ZBTB20: variants seen among roughly 807,000 people sequenced by gnomAD.
ZBTB20 encodes the protein zinc finger and BTB domain-containing protein 20.
In ZBTB20, 9 loss-of-function variants were observed where a neutral mutation model predicts 56.9. The observed-to-expected ratio is 0.16, with a 90% CI of 0.10 to 0.28. ZBTB20 has a LOEUF of 0.28. ZBTB20 is among the 10% of genes least tolerant of loss of function. The probability of loss-of-function intolerance (pLI) is 1.00; values close to 1 mark genes in which losing one functional copy is unlikely to be tolerated. For missense variants in ZBTB20, 655 were observed against 1,003.0 expected (o/e 0.65, Z 4.69); for synonymous variants, 417 against 420.7 (o/e 0.99, Z 0.11).
At chr3:114,758,777 A>T (rs2068209939) in intron 5 of ZBTB20, 1 of 152,176 alleles carries the variant, frequency 6.6e-6, no homozygotes, top group Non-Finnish European at 1.5e-5. Flanking sequence ...AAATACGCTG[A>T]GCTCCAATAA....
intron 4 of ZBTB20, among the ~76,000 whole-genome samples, chr3:114,811,219 T>C (rs1267761465): frequency 6.6e-6 from 1 of 152,222 alleles, no homozygotes; most frequent in Non-Finnish European, 1.5e-5. Context: ...GCCAGCTTAT[T>C]TTCTCACAGA....
chr3:114,862,578 A>G (rs2075582441), intron 4 of ZBTB20, among the ~76,000 whole-genome samples: 1 of 152,152 alleles, frequency 6.6e-6, no homozygotes, highest in Admixed American at 6.5e-5. Context: ...CAGTTCTAAG[A>G]GATCTAGTTC....
rs562193420 is a variant in ZBTB20, at chr3:114,517,907, A to C, written c.-294-17516T>G. Among the ~76,000 whole-genome samples, 129 of 152,178 alleles carry C rather than the reference A, an allele frequency of 8.5e-4. 1 individual carries two copies. The highest frequency in any genetic ancestry group is 2.8e-3 in the African/African-American group (115 of 41,522). ...TGTATTTTTTAAGCGCTTACTGTAT[A>C]CCAGGCCCTATGCTGAAGATAGTAG... is the stretch of plus-strand genomic sequence containing the variant. On this transcript the variant is annotated intron_variant, in intron 6 of 11. Transcript: ENST00000675478.
At chr3:115,052,093 C>T (rs2081572337) in intron 2 of ZBTB20, among the ~76,000 whole-genome samples, 1 of 151,928 alleles carries the variant, frequency 6.6e-6, no homozygotes, top group South Asian at 2.1e-4. Flanking sequence ...GGACACAGAG[C>T]CCAACCATAT....
At chr3:114,697,807 G>C (rs1403207044) in intron 5 of ZBTB20, among the ~76,000 whole-genome samples, 1 of 150,928 alleles carries the variant, frequency 6.6e-6, no homozygotes, top group Non-Finnish European at 1.5e-5. Flanking sequence ...ATGAAGGAGA[G>C]GAAGAAAGAG....
chr3:114,702,334 C>T (rs1035729827), intron 5 of ZBTB20, among the ~76,000 whole-genome samples: 3 of 152,148 alleles, frequency 2.0e-5, no homozygotes, highest in Non-Finnish European at 2.9e-5. Flanking sequence ...AGCGAGAGAA[C>T]GAGACCCTGT....
At chr3:114,844,726 T>C (rs2074600708) in intron 4 of ZBTB20, among the ~76,000 whole-genome samples, 1 of 151,294 alleles carries the variant, frequency 6.6e-6, no homozygotes, top group Non-Finnish European at 1.5e-5. Context: ...AATCTTGCTA[T>C]GCTCAGTCTT....
At chr3:114,579,427 C>G (rs2054418066) in intron 6 of ZBTB20, among the ~76,000 whole-genome samples, 1 of 150,126 alleles carries the variant, frequency 6.7e-6, no homozygotes, top group Admixed American at 6.6e-5. Context: ...AATGAGAAAC[C>G]AGGAGAAAAA....
intron 5 of ZBTB20, among the ~76,000 whole-genome samples, chr3:114,725,450 G>T (rs918109280): frequency 1.3e-5 from 2 of 152,096 alleles, no homozygotes; most frequent in Non-Finnish European, 2.9e-5. Context: ...AACAAAAGCA[G>T]CTATTTCCTC....
At chr3:114,399,685 C>T (rs988133514) in intron 7 of ZBTB20, among the ~76,000 whole-genome samples, 6 of 151,998 alleles carry the variant, frequency 3.9e-5, no homozygotes, top group Non-Finnish European at 2.9e-5. Context: ...AACAGGCCAC[C>T]GGGGCAAGAC....
At chr3:114,798,212 C>T (rs966477068) in intron 5 of ZBTB20, among the ~76,000 whole-genome samples, 1 of 151,742 alleles carries the variant, frequency 6.6e-6, no homozygotes, top group Non-Finnish European at 1.5e-5. Context: ...AATTAAACTA[C>T]TGAAGTTCTA....
chr3:114,749,963 C>T, intron 5 of ZBTB20, among the ~76,000 whole-genome samples: 1 of 152,190 alleles, frequency 6.6e-6, no homozygotes, highest in East Asian at 1.9e-4. Context: ...AGGACTGTTG[C>T]TCTGTGAGTA....
chr3:114,566,736 C>T (rs975144969), intron 6 of ZBTB20, among the ~76,000 whole-genome samples: 1 of 152,214 alleles, frequency 6.6e-6, no homozygotes, highest in Non-Finnish European at 1.5e-5. Flanking sequence ...TTCAATCACA[C>T]AGTTCCTCTA....
At chr3:114,460,663 G>C (rs1293646446) in intron 7 of ZBTB20, among the ~76,000 whole-genome samples, 1 of 152,136 alleles carries the variant, frequency 6.6e-6, no homozygotes, top group Non-Finnish European at 1.5e-5. Context: ...TGAGACTTCT[G>C]GTTTCAGAAC....
chr3:114,826,091 A>T (rs2073509563), intron 4 of ZBTB20, among the ~76,000 whole-genome samples: 1 of 151,708 alleles, frequency 6.6e-6, no homozygotes, highest in Non-Finnish European at 1.5e-5. Flanking sequence ...GCCATAAACA[A>T]CCACCTCACC....
chr3:115,049,830 G>T (rs1020771635), intron 2 of ZBTB20, among the ~76,000 whole-genome samples: 2 of 152,056 alleles, frequency 1.3e-5, no homozygotes, highest in African/African-American at 4.8e-5. Flanking sequence ...AGTTGGTACT[G>T]GTTTGTCATG....
chr3:114,538,529 G>A (rs1387393872), intron 6 of ZBTB20, among the ~76,000 whole-genome samples: 1 of 151,992 alleles, frequency 6.6e-6, no homozygotes, highest in East Asian at 1.9e-4. Context: ...TCCCATCCAT[G>A]GAAATTCATT....
At chr3:115,060,564 C>G (rs1306525814) in intron 2 of ZBTB20, among the ~76,000 whole-genome samples, 1 of 152,078 alleles carries the variant, frequency 6.6e-6, no homozygotes, top group Non-Finnish European at 1.5e-5. Context: ...AAAGGAGCTT[C>G]CATGTTTTAC....
At chr3:115,107,695 T>G (rs975031824) in intron 1 of ZBTB20, among the ~76,000 whole-genome samples, 2 of 152,164 alleles carry the variant, frequency 1.3e-5, no homozygotes, top group African/African-American at 4.8e-5. Context: ...CATGCACAGG[T>G]ATGTTTACTG....
Sources: gnomAD v4.1 joint callset for allele counts (sites outside exome capture counted in the v4.1 genomes callset) on GRCh38, gnomAD v4.1.1 for gene constraint, MANE v1.5 for transcripts, NCBI Gene and HGNC (gene_info 2026-07-23, HGNC 2026-07-21) for gene names.